The following MPHOSPH10 variants were observed in gnomAD, a reference collection of about 807,000 sequenced individuals.
MPHOSPH10 encodes the protein M-phase phosphoprotein 10.
In MPHOSPH10, 33 loss-of-function variants were observed where a neutral mutation model predicts 77.3. The ratio of observed to expected loss-of-function variants is 0.43; its 90% CI spans 0.32 to 0.57. MPHOSPH10 has a LOEUF of 0.57. Among genes scored for constraint, MPHOSPH10 ranks in the 20% least tolerant of loss-of-function variants. MPHOSPH10 has a pLI of 0.07. For missense variants in MPHOSPH10, 708 were observed against 780.1 expected (o/e 0.91, Z 1.10); for synonymous variants, 245 against 268.0 (o/e 0.91, Z 0.84).
intron 7 of MPHOSPH10, among the ~76,000 whole-genome samples, chr2:71,142,370 A>G (rs1673629403): frequency 6.6e-6 from 1 of 152,220 alleles, no homozygotes; most frequent in Non-Finnish European, 1.5e-5. Context: ...TTTCATTTGA[A>G]TCTTTGAGGA....
intron 4 of MPHOSPH10, among the ~76,000 whole-genome samples, chr2:71,137,610 G>T (rs1168004215): frequency 7.4e-6 from 1 of 134,720 alleles, no homozygotes; most frequent in Non-Finnish European, 1.5e-5. Flanking sequence ...AGTGAGCTGA[G>T]ATCACGCAAC....
intron 8 of MPHOSPH10, among the ~76,000 whole-genome samples, chr2:71,144,904 A>T (rs931108543): frequency 6.6e-6 from 1 of 152,206 alleles, no homozygotes; most frequent in African/African-American, 2.4e-5. Flanking sequence ...TTGGAGATGT[A>T]TGGATATCTA....
intron 4 of MPHOSPH10, among the ~76,000 whole-genome samples, chr2:71,135,488 A>G (rs909765701): frequency 6.6e-6 from 1 of 150,452 alleles, no homozygotes; most frequent in Non-Finnish European, 1.5e-5. Context: ...CGGAGGTTGC[A>G]GTGAGCCGAG....
rs775506707 is a variant in MPHOSPH10 at position 71,133,074 on chromosome 2, A to G, written c.266A>G (p.Gln89Arg). 6.2e-7 allele frequency: 1 copy of G among 1,614,194 alleles called. No individual in the cohort carries two copies. Among genetic ancestry groups the G allele is most frequent in the South Asian group, 1.1e-5 (1 of 91,086 alleles). The change falls in exon 2 of 11, where the codon CAA becomes CGA. Residue 89 changes from glutamine (Q) to arginine (R), a missense_variant. By Grantham distance (43) the Gln-to-Arg change is conservative. Around this residue, in one of 3 missense-constraint regions of MPHOSPH10, gnomAD observed 433 missense variants for 432.6 expected, o/e 1.00. Coordinates refer to ENST00000244230, the MANE Select transcript of MPHOSPH10 (RefSeq NM_005791.3). ...GAATTGCAAAATGAACCAATTTTACAATACTTTCAGAATGCAGTTAGTGAA... is the reference window on the plus strand; with the variant it reads ...GAATTGCAAAATGAACCAATTTTACGATACTTTCAGAATGCAGTTAGTGAA... ...QLELQNEPIL[Q>R]YFQNAVSETI...
Position 71,134,755 on chromosome 2 carries a change from T to G in MPHOSPH10, c.1056T>G (p.Asn352Lys), listed in dbSNP as rs1673453626. ...CAGGTGTTTTAAATGTAAAGAAAAA[T>G]TCTGATGAAGTTAAATCCTCCTTTG... ...EDTGVLNVKK[N>K]SDEVKSSFEK... The change falls in exon 4 of 11, where the codon AAT (asparagine) becomes AAG (lysine). Residue 352 changes from asparagine to lysine, a missense_variant. By Grantham distance (94) the Asn-to-Lys change is moderately conservative (BLOSUM62 0). This residue lies in a region of MPHOSPH10 where 433 missense variants were observed against 432.6 expected (regional missense o/e 1.00). Coordinates refer to ENST00000244230, the MANE Select transcript of MPHOSPH10 (RefSeq NM_005791.3). 6.2e-7 allele frequency: 1 copy of G among 1,604,812 alleles called. No individual in the cohort carries two copies. The highest frequency in any genetic ancestry group is 8.5e-7 in the Non-Finnish European group (1 of 1,176,204).
intron 7 of MPHOSPH10, among the ~76,000 whole-genome samples, chr2:71,141,793 G>A (rs1440886190): frequency 6.6e-6 from 1 of 152,150 alleles, no homozygotes; most frequent in African/African-American, 2.4e-5. Context: ...ACTTTGGGAG[G>A]CTGAGGCGGG....
chr2:71,141,619 A>G (rs964871608), intron 7 of MPHOSPH10, among the ~76,000 whole-genome samples: 2 of 152,140 alleles, frequency 1.3e-5, no homozygotes, highest in African/African-American at 2.4e-5. Context: ...CTTTCTAGCA[A>G]TTATGGTGGT....
At position 71,134,731 on chromosome 2, in the gene MPHOSPH10, A is replaced by C. The variant is rs1228849545; in HGVS notation, c.1032A>C (p.Thr344=). ...CAGATGATGCGGAAACTGAAGATAC[A>C]GGTGTTTTAAATGTAAAGAAAAATT... is the stretch of plus-strand genomic sequence containing the variant. The part of the protein sequence containing the change: ...ALPDDAETED[T]GVLNVKKNSD... Residue 344 remains threonine, a synonymous_variant, in exon 4 of 11, where the codon ACA becomes ACC. Transcript: ENST00000244230. 8.1e-6 allele frequency: 13 copies of C among 1,610,658 alleles called. No homozygotes were observed. Among genetic ancestry groups the C allele is most frequent in the Non-Finnish European group, 9.3e-6 (11 of 1,178,322 alleles).
At position 71,149,211 on chromosome 2, in the gene MPHOSPH10, T is replaced by C; in HGVS notation, c.1666-12T>C. ...TGATGAATGAATATGTTGGTGGTTATTTTTTTAATAGGAGAAAAATAAAGC... is the reference window on the plus strand; with the variant it reads ...TGATGAATGAATATGTTGGTGGTTACTTTTTTAATAGGAGAAAAATAAAGC... On this transcript the variant is annotated splice_polypyrimidine_tract_variant and intron_variant, in intron 9 of 10. Transcript: ENST00000244230. 2 of 1,534,124 alleles carry C rather than the reference T, an allele frequency of 1.3e-6. No homozygotes were observed. Among genetic ancestry groups the C allele is most frequent in the Non-Finnish European group, 1.8e-6 (2 of 1,142,098 alleles).
At chr2:71,133,914 CTAAT>C in intron 2 of MPHOSPH10, 30 bp from the exon 3 acceptor site, 1 of 1,375,206 alleles carries the variant, frequency 7.3e-7, no homozygotes, top group Non-Finnish European at 9.9e-7. Context: ...TTTTCTATCC[CTAAT>C]TAATAGTTTT....
At chr2:71,136,532 A>AG (rs1673494251) in intron 4 of MPHOSPH10, among the ~76,000 whole-genome samples, 2 of 151,880 alleles carry the variant, frequency 1.3e-5, no homozygotes, top group East Asian at 3.9e-4. Flanking sequence ...TAAAAAAAAA[A>AG]AGAGAACAGG....
intron 6 of MPHOSPH10, among the ~76,000 whole-genome samples, 162 bp from the exon 7 acceptor site, chr2:71,141,070 T>C (rs990652612): frequency 4.0e-5 from 6 of 149,964 alleles, no homozygotes; most frequent in African/African-American, 7.3e-5. Context: ...TAATAATAAA[T>C]ATTTATTATA....
intron 8 of MPHOSPH10, among the ~76,000 whole-genome samples, chr2:71,145,749 C>T (rs1023520533): frequency 6.6e-6 from 1 of 152,076 alleles, no homozygotes; most frequent in Non-Finnish European, 1.5e-5. Context: ...CCCCTTTGGT[C>T]TCCCTTGGCT....
At chr2:71,143,234 C>T (rs1011697445) in intron 7 of MPHOSPH10, among the ~76,000 whole-genome samples, 5 of 151,614 alleles carry the variant, frequency 3.3e-5, no homozygotes, top group Admixed American at 3.3e-4. Context: ...GTCTGCCTCC[C>T]GGGTCCAAGC....
At chr2:71,136,553 A>C (rs1239438060) in intron 4 of MPHOSPH10, among the ~76,000 whole-genome samples, 1 of 145,860 alleles carries the variant, frequency 6.9e-6, no homozygotes, top group Non-Finnish European at 1.5e-5. Context: ...CAGAGAATGA[A>C]AGATACCAAG....
chr2:71,136,342 C>T (rs992558881), intron 4 of MPHOSPH10, among the ~76,000 whole-genome samples: 1 of 151,894 alleles, frequency 6.6e-6, no homozygotes, highest in Non-Finnish European at 1.5e-5. Context: ...GGCAAAAGCC[C>T]GTCTCCACTA....
chr2:71,143,584 A>G (rs1053112596), intron 7 of MPHOSPH10, among the ~76,000 whole-genome samples: 1 of 152,204 alleles, frequency 6.6e-6, no homozygotes. Flanking sequence ...TCAGCCCACA[A>G]TAAAGCCCCA....
chr2:71,134,540 G>A (rs1558752924), intron 3 of MPHOSPH10, 86 bp from the exon 4 acceptor site: 2 of 1,282,118 alleles, frequency 1.6e-6, no homozygotes, highest in Middle Eastern at 5.1e-4. Context: ...TATAAAATAA[G>A]AACTTTATTA....
intron 4 of MPHOSPH10, among the ~76,000 whole-genome samples, chr2:71,136,830 T>A (rs2103666476): frequency 1.4e-5 from 2 of 146,038 alleles, no homozygotes; most frequent in African/African-American, 2.5e-5. Context: ...ATATAAAGAA[T>A]AAAGTAGAAC....
Sources: gnomAD v4.1 joint callset for allele counts (sites outside exome capture counted in the v4.1 genomes callset) on GRCh38, gnomAD v4.1.1 for gene constraint, gnomAD v4.1.1 regional missense constraint, MANE v1.5 for transcripts, NCBI Gene and HGNC (gene_info 2026-07-23, HGNC 2026-07-21) for gene names.